Variants in PIBF1 observed in about 807,000 individuals in gnomAD.
PIBF1 encodes progesterone immunomodulatory binding factor 1.
A neutral mutation model predicts 112.5 loss-of-function variants in PIBF1; 90 were observed. The ratio of observed to expected loss-of-function variants is 0.80; its 90% CI spans 0.67 to 0.95. PIBF1 has a LOEUF of 0.95. Ranked by LOEUF, PIBF1 falls within the 40% of genes least tolerant of loss-of-function variation. PIBF1 has a pLI of 0.00. For synonymous variants in PIBF1, 301 were observed against 288.6 expected, an observed-to-expected ratio of 1.04 and a Z score of -0.44; for missense variants, 915 against 852.3, an observed-to-expected ratio of 1.07 and a Z score of -0.92.
intron 15 of PIBF1, among the ~76,000 whole-genome samples, chr13:72,972,258 C>T (rs1378175435): frequency 1.3e-5 from 2 of 151,908 alleles, no homozygotes; most frequent in Non-Finnish European, 2.9e-5. Context: ...GCTCGAACTC[C>T]TGGGCTCATG....
chr13:72,888,912 G>A (rs1566408681), intron 10 of PIBF1, among the ~76,000 whole-genome samples: 1 of 152,040 alleles, frequency 6.6e-6, no homozygotes, highest in Non-Finnish European at 1.5e-5. Flanking sequence ...TAGTGATAGA[G>A]GTCTGGGCTG....
intron 10 of PIBF1, among the ~76,000 whole-genome samples, chr13:72,869,530 T>C (rs938186052): frequency 6.6e-6 from 1 of 151,482 alleles, no homozygotes; most frequent in African/African-American, 2.4e-5. Flanking sequence ...GACGAGTTAA[T>C]GGGTGCAGCA....
intron 10 of PIBF1, among the ~76,000 whole-genome samples, chr13:72,862,346 A>T (rs79389753): frequency 3.3e-5 from 5 of 152,190 alleles, no homozygotes; most frequent in Non-Finnish European, 7.3e-5. Context: ...TGGCATGCCT[A>T]TAGACCCAGG....
rs2035281637 is a variant in PIBF1 at position 72,798,041 on chromosome 13, G to A, written c.672+15G>A. The A allele has an allele frequency of 1.3e-6, 2 of 1,577,688 alleles. No individual in the cohort carries two copies. Among genetic ancestry groups the A allele is most frequent in the Non-Finnish European group, 1.7e-6 (2 of 1,167,254 alleles). On this transcript the variant is annotated intron_variant, in intron 5 of 17. Coordinates refer to ENST00000326291, the MANE Select transcript of PIBF1 (RefSeq NM_006346.4). The stretch of plus-strand genomic sequence containing the variant: ...AGCTGACAGAGGTTTGTATGGTTTT[G>A]ATTGCTGGTGGGAAGAAGCTTCGGC...
intron 12 of PIBF1, among the ~76,000 whole-genome samples, chr13:72,909,354 A>T (rs1487764133): frequency 6.6e-6 from 1 of 152,226 alleles, no homozygotes; most frequent in African/African-American, 2.4e-5. Flanking sequence ...ACAAATAATT[A>T]GAGTAGCAAG....
chr13:72,819,402 C>G (rs75393631), intron 5 of PIBF1, among the ~76,000 whole-genome samples: 8,362 of 152,088 alleles, frequency 0.055, 329 homozygotes, highest in Non-Finnish European at 0.085. Context: ...AACAGTAATT[C>G]ATCTTTTGCT....
intron 12 of PIBF1, among the ~76,000 whole-genome samples, chr13:72,910,983 T>C (rs934532170): frequency 2.6e-5 from 4 of 152,162 alleles, no homozygotes; most frequent in Admixed American, 6.5e-5. Context: ...TTCATTCATA[T>C]GGAGTGCAGA....
chr13:72,973,953 G>A (rs1427652556), intron 16 of PIBF1: 1 of 405,186 alleles, frequency 2.5e-6, no homozygotes, highest in African/African-American at 2.1e-5. Flanking sequence ...CAACTAGACA[G>A]TTAATTTCCT....
intron 11 of PIBF1, among the ~76,000 whole-genome samples, chr13:72,902,006 A>ATGTGTGTGTGTGTGTG (rs137877705): frequency 0.12 from 17,566 of 147,816 alleles, 1,288 homozygotes; most frequent in Non-Finnish European, 0.16. Context: ...GTGTATGTAT[A>ATGTGTGTGTGTGTGTG]TGTGTGTGTG....
chr13:72,810,883 G>A (rs1216293155), intron 5 of PIBF1, among the ~76,000 whole-genome samples: 1 of 149,758 alleles, frequency 6.7e-6, no homozygotes, highest in Non-Finnish European at 1.5e-5. Context: ...TTGAGACGGA[G>A]TCTCGTTCTG....
intron 17 of PIBF1, among the ~76,000 whole-genome samples, chr13:73,013,300 C>CAAAAAAA (rs869055620): frequency 6.8e-5 from 1 of 14,658 alleles, no homozygotes; most frequent in African/African-American, 2.0e-4. Context: ...GACTCTGTCT[C>CAAAAAAA]AAAAAAAAAA....
intron 10 of PIBF1, among the ~76,000 whole-genome samples, chr13:72,876,934 C>A (rs1008999054): frequency 3.9e-5 from 6 of 152,120 alleles, no homozygotes; most frequent in Non-Finnish European, 8.8e-5. Context: ...CAATTAGCAT[C>A]AACTTCGAAT....
At chr13:73,008,527 T>G (rs2139052712) in intron 17 of PIBF1, among the ~76,000 whole-genome samples, 1 of 152,330 alleles carries the variant, frequency 6.6e-6, no homozygotes. Flanking sequence ...TTGAAAAATG[T>G]TTATTGAGCA....
At chr13:72,858,027 G>T (rs61967069) in intron 10 of PIBF1, among the ~76,000 whole-genome samples, 1,390 of 95,726 alleles carry the variant, frequency 0.015, 67 homozygotes, top group East Asian at 0.015. Context: ...TGTACATTGT[G>T]TGTGTGTGTG....
At chr13:72,808,747 A>G (rs1029094646) in intron 5 of PIBF1, among the ~76,000 whole-genome samples, 4 of 152,196 alleles carry the variant, frequency 2.6e-5, no homozygotes, top group East Asian at 1.9e-4. Flanking sequence ...GAGCAGCTGC[A>G]GTTCCCATAA....
chr13:72,917,845 AT>A (rs1161246219), intron 13 of PIBF1, among the ~76,000 whole-genome samples: 1 of 152,198 alleles, frequency 6.6e-6, no homozygotes, highest in Non-Finnish European at 1.5e-5. Flanking sequence ...ATTATAAGTA[AT>A]CTAGAGATGA....
At chr13:72,794,807 G>A (rs1396180791) in intron 3 of PIBF1, among the ~76,000 whole-genome samples, 2 of 152,172 alleles carry the variant, frequency 1.3e-5, no homozygotes, top group Non-Finnish European at 2.9e-5. Flanking sequence ...TTTATTAGTA[G>A]CATGAGAGCA....
Position 72,845,048 on chromosome 13 carries a change from G to A in PIBF1, c.1224-9009G>A, listed in dbSNP as rs548987978. ...AGGTTTGTTGCATAGGTATACATGT[G>A]CCATGGTGGTTTGCTGCACCTATCA... On this transcript the variant is annotated intron_variant, in intron 9 of 17. Coordinates refer to ENST00000326291, the MANE Select transcript of PIBF1 (RefSeq NM_006346.4). 7.2e-5 allele frequency among the ~76,000 whole-genome samples: 11 copies of A among 151,760 alleles called. No individual in the cohort carries two copies. The East Asian group carries it at 2.1e-3, about 29-fold the overall frequency.
chr13:72,906,514 A>G (rs1201702010), intron 11 of PIBF1, among the ~76,000 whole-genome samples: 2 of 152,096 alleles, frequency 1.3e-5, no homozygotes, highest in Non-Finnish European at 2.9e-5. Flanking sequence ...TCCAACAGTC[A>G]AGTTCTCTTT....
Sources: gnomAD v4.1 joint callset for allele counts (sites outside exome capture counted in the v4.1 genomes callset) on GRCh38, gnomAD v4.1.1 for gene constraint, MANE v1.5 for transcripts, NCBI Gene and HGNC (gene_info 2026-07-23, HGNC 2026-07-21) for gene names.